MLLT10: variants seen among roughly 807,000 people sequenced by gnomAD.
MLLT10 encodes the protein MLLT10 histone lysine methyltransferase DOT1L cofactor, also known as protein AF-10.
Under a neutral mutation model 129.1 loss-of-function variants are expected in MLLT10, and 30 were observed. That is an observed-to-expected ratio of 0.23 (90% CI 0.17 to 0.32). MLLT10 has a LOEUF of 0.32. Ranked by LOEUF, MLLT10 falls within the 10% of genes least tolerant of loss-of-function variation. The pLI, the probability that MLLT10 is intolerant of heterozygous loss-of-function variation, is 1.00. For missense variants in MLLT10, 1,119 were observed against 1,268.3 expected, an observed-to-expected ratio of 0.88 and a Z score of 1.79; for synonymous variants, 490 against 446.4, an observed-to-expected ratio of 1.10 and a Z score of -1.23.
intron 3 of MLLT10, chr10:21,541,143 G>C (rs185174131): frequency 1.3e-5 from 2 of 152,324 alleles, no homozygotes; most frequent in African/African-American, 2.4e-5. Context: ...CTGGGCGACA[G>C]AGCGAGACTC....
intron 8 of MLLT10, among the ~76,000 whole-genome samples, chr10:21,643,986 CTT>C (rs1438151474): frequency 6.6e-6 from 1 of 152,170 alleles, no homozygotes; most frequent in African/African-American, 2.4e-5. Flanking sequence ...TCTTTTAACA[CTT>C]TAACAATTCT....
chr10:21,736,839 AGT>A (rs1173191631), intron 21 of MLLT10, among the ~76,000 whole-genome samples: 2 of 152,214 alleles, frequency 1.3e-5, no homozygotes, highest in Non-Finnish European at 2.9e-5. Context: ...ATCTGGGGTT[AGT>A]GCTGCACAGG....
chr10:21,673,680 A>C lies in MLLT10; in HGVS notation c.1382A>C (p.Glu461Ala), dbSNP rs1296310956. Residue 461 changes from glutamate (E) to alanine (A), a missense_variant, in exon 11 of 23, where the codon GAA becomes GCA. This residue lies in a region of MLLT10 where 1,004 missense variants were observed against 1,008.7 expected (regional missense o/e 1.00). Transcript: ENST00000307729. ...KRAQTSGIEE[E>A]TVKEKKRKGN... ...GCTCAAACTTCTGGCATAGAAGAAG[A>C]AACTGTAAAGGAAAAGAAAAGGAAA... The C allele has an allele frequency of 6.2e-7, 1 of 1,614,054 alleles. No individual in the cohort carries two copies. The highest frequency in any genetic ancestry group is 8.5e-7 in the Non-Finnish European group (1 of 1,180,044).
At chr10:21,538,695 T>A (rs527926870) in intron 2 of MLLT10, 138 bp from the exon 3 acceptor site, 21 of 577,978 alleles carry the variant, frequency 3.6e-5, no homozygotes, top group Non-Finnish European at 5.8e-5. Context: ...ATAAATAGGA[T>A]GTGAACTGTT....
chr10:21,562,813 TTTTTG>T (rs1370372551), intron 3 of MLLT10, among the ~76,000 whole-genome samples: 22 of 123,818 alleles, frequency 1.8e-4, no homozygotes, highest in African/African-American at 2.9e-4. Flanking sequence ...TACTTTGTTT[TTTTTG>T]TTTTTTTTTT....
intron 8 of MLLT10, chr10:21,625,727 G>T (rs1004343333): frequency 1.3e-6 from 1 of 768,398 alleles, no homozygotes; most frequent in Non-Finnish European, 2.4e-6. Context: ...ACAGAAATGC[G>T]CACTCCATGT....
Position 21,733,008 on chromosome 10 carries a change from A to G in MLLT10, c.2328A>G (p.Ala776=). The G allele has an allele frequency of 6.2e-7, 1 of 1,614,044 alleles. No homozygotes were observed. The highest frequency in any genetic ancestry group is 8.5e-7 in the Non-Finnish European group (1 of 1,179,932). ...AKKERLQLLN[A]QLSVPFPTIT... ...AGGAACGGCTTCAGTTATTGAATGC[A>G]CAGCTTTCAGTGCCTTTTCCAACAA... Residue 776 remains alanine (A), a synonymous_variant, in exon 18 of 23, where the codon GCA becomes GCG. Transcript: ENST00000307729.
intron 7 of MLLT10, among the ~76,000 whole-genome samples, chr10:21,616,331 T>C (rs2045248719): frequency 6.6e-6 from 1 of 152,102 alleles, no homozygotes; most frequent in African/African-American, 2.4e-5. Flanking sequence ...CATTTGATAG[T>C]TGGGAAAAAT....
chr10:21,715,814 C>G (rs950642038), intron 14 of MLLT10, among the ~76,000 whole-genome samples: 3 of 152,204 alleles, frequency 2.0e-5, no homozygotes, highest in Non-Finnish European at 4.4e-5. Context: ...GGATTCAGTT[C>G]AATTAAAATC....
chr10:21,616,419 CTAGTT>C (rs1386900585), intron 7 of MLLT10, among the ~76,000 whole-genome samples: 2 of 151,932 alleles, frequency 1.3e-5, no homozygotes, highest in Non-Finnish European at 2.9e-5. Context: ...TCATTTTTAT[CTAGTT>C]TACACCAATT....
intron 3 of MLLT10, among the ~76,000 whole-genome samples, chr10:21,572,997 A>C (rs1302196317): frequency 6.6e-6 from 1 of 152,154 alleles, no homozygotes; most frequent in Admixed American, 6.5e-5. Flanking sequence ...AGTATTATAA[A>C]AATTTCTAAT....
At chr10:21,551,084 G>A (rs1478493738) in intron 3 of MLLT10, among the ~76,000 whole-genome samples, 3 of 151,474 alleles carry the variant, frequency 2.0e-5, no homozygotes, top group Non-Finnish European at 2.9e-5. Flanking sequence ...GCGCCACCAC[G>A]CCCGGCTGAT....
chr10:21,620,167 A>C (rs2045669348), intron 8 of MLLT10, among the ~76,000 whole-genome samples: 1 of 152,020 alleles, frequency 6.6e-6, no homozygotes. Context: ...TGACCTCGTG[A>C]TCCACCTGCC....
Position 21,589,832 on chromosome 10 carries a change from G to A in MLLT10, c.295+3484G>A, listed in dbSNP as rs555205086. ...TCGTGAGAAACTGAAACTTTTCTGGGAAAATTTTTGATAAATTCGTTTTTT... is the reference window on the plus strand; with the variant it reads ...TCGTGAGAAACTGAAACTTTTCTGGAAAAATTTTTGATAAATTCGTTTTTT... On this transcript the variant is annotated intron_variant, in intron 4 of 22. Transcript: ENST00000307729. 2.6e-5 allele frequency among the ~76,000 whole-genome samples: 4 copies of A among 152,232 alleles called. No homozygotes were observed. In the East Asian group the frequency reaches 7.7e-4, roughly 29 times the overall value.
intron 9 of MLLT10, among the ~76,000 whole-genome samples, chr10:21,665,852 T>G (rs748996420): frequency 2.0e-5 from 3 of 152,054 alleles, no homozygotes; most frequent in African/African-American, 7.2e-5. Context: ...CTCAGTCTCC[T>G]GATTAGCTGA....
At chr10:21,556,765 T>C (rs1390601560) in intron 3 of MLLT10, 2 of 1,605,336 alleles carry the variant, frequency 1.2e-6, no homozygotes, top group Non-Finnish European at 1.7e-6. Context: ...CTCCAGTTTC[T>C]GGTGCTCTGA....
intron 3 of MLLT10, among the ~76,000 whole-genome samples, chr10:21,581,044 A>ATTT (rs35410894): frequency 1.6e-5 from 2 of 128,734 alleles, no homozygotes; most frequent in African/African-American, 2.9e-5. Flanking sequence ...TGTTCAGTGA[A>ATTT]TTTTTTTTTT....
At chr10:21,592,646 C>T (rs530542967) in intron 4 of MLLT10, among the ~76,000 whole-genome samples, 23 of 152,164 alleles carry the variant, frequency 1.5e-4, no homozygotes, top group African/African-American at 5.3e-4. Flanking sequence ...TTAGTAGAGA[C>T]GGTGTTTCAC....
At chr10:21,625,435 T>G (rs2046337603) in intron 8 of MLLT10, 1 of 911,578 alleles carries the variant, frequency 1.1e-6, no homozygotes. Flanking sequence ...CAAAGAATAC[T>G]TTTACCTTAG....
Sources: gnomAD v4.1 joint callset for allele counts (sites outside exome capture counted in the v4.1 genomes callset) on GRCh38, gnomAD v4.1.1 for gene constraint, gnomAD v4.1.1 regional missense constraint, MANE v1.5 for transcripts, NCBI Gene and HGNC (gene_info 2026-07-23, HGNC 2026-07-21) for gene names.